Variants in NAT10 observed in about 807,000 individuals in gnomAD.
The protein encoded by NAT10 is RNA cytidine acetyltransferase.
A neutral mutation model predicts 132.2 loss-of-function variants in NAT10; 109 were observed. The ratio of observed to expected loss-of-function variants is 0.82; its 90% CI spans 0.71 to 0.97. The LOEUF (loss-of-function observed/expected upper bound fraction) is 0.97, where lower values mean the gene tolerates loss of function less well. Ranked by LOEUF, NAT10 falls within the 50% of genes least tolerant of loss-of-function variation. NAT10 has a pLI of 0.00. For synonymous variants in NAT10, 479 were observed against 478.0 expected (o/e 1.00, Z -0.03); for missense variants, 1,184 against 1,263.4 (o/e 0.94, Z 0.95).
In NAT10 at chr11:34,131,595, A is replaced by G. The variant is rs1852106381; in HGVS notation, c.1520+64A>G. ...GAGGGGCGGTGAAAGAATTCAAAGG[A>G]CTTGAGTCCTTTGTTTCATAGGATG... On this transcript the variant is annotated intron_variant, in intron 14 of 28. Transcript: ENST00000257829. The G allele has an allele frequency of 2.7e-6, 4 of 1,501,872 alleles. No homozygotes were observed. In the African/African-American group the frequency reaches 5.6e-5, roughly 21 times the overall value. 93.0% of individuals were successfully genotyped at this position (1,501,872 alleles called of 1,614,324 possible). A position where few individuals can be genotyped will look rare whatever the true frequency, so the allele number is the denominator to read the frequency against.
intron 3 of NAT10, among the ~76,000 whole-genome samples, chr11:34,109,755 A>G (rs1197567518): frequency 2.0e-5 from 3 of 152,212 alleles, no homozygotes; most frequent in Non-Finnish European, 2.9e-5. Context: ...CTCACGGGTG[A>G]TCTAGAGTCA....
chr11:34,146,184 A>G lies in NAT10; in HGVS notation c.3070A>G (p.Lys1024Glu). The change falls in exon 29 of 29, where the codon AAG becomes GAG. Residue 1024 changes from lysine (K) to glutamate (E), a missense_variant. Transcript: ENST00000257829. ...KNKKDMKLKR[K>E]K ...CAAAAAAGATATGAAACTGAAGCGG[A>G]AGAAATAGTGAAGAGAAACTCGGGC... 9.4e-6 allele frequency: 15 copies of G among 1,598,036 alleles called. No individual in the cohort carries two copies. Among genetic ancestry groups the G allele is most frequent in the Non-Finnish European group, 1.3e-5 (15 of 1,171,442 alleles).
chr11:34,109,770 A>T (rs1010206695), intron 3 of NAT10, among the ~76,000 whole-genome samples: 3 of 152,232 alleles, frequency 2.0e-5, no homozygotes, highest in African/African-American at 7.2e-5. Flanking sequence ...GAGTCACAGT[A>T]CTAATGCTCC....
At chr11:34,141,045 G>T (rs761294871) in intron 24 of NAT10, 44 bp from the exon 25 acceptor site, 6 of 1,612,860 alleles carry the variant, frequency 3.7e-6, no homozygotes, top group Non-Finnish European at 5.1e-6. Flanking sequence ...TAATGGGCAA[G>T]GGCGTGTCCT....
rs1852283367 is a variant in NAT10, at chr11:34,139,509, G to A, written c.2419+14G>A. 1 of 1,607,190 alleles carries A rather than the reference G, an allele frequency of 6.2e-7. No homozygotes were observed. Among genetic ancestry groups the A allele is most frequent in the South Asian group, 1.1e-5 (1 of 90,936 alleles). On this transcript the variant is annotated intron_variant, in intron 23 of 28. Transcript: ENST00000257829. ...CAGCCCAGCCTGGTGAGCCGGGTGG[G>A]GACAGGGAGGAGGGTTGGGAATGGC... is the stretch of plus-strand genomic sequence containing the variant.
At chr11:34,123,314 A>G (rs1305228124) in intron 9 of NAT10, among the ~76,000 whole-genome samples, 2 of 152,218 alleles carry the variant, frequency 1.3e-5, no homozygotes, top group Admixed American at 6.5e-5. Context: ...CTCTAGCTGT[A>G]ACAGTCAGCC....
rs1245812338 is a variant in NAT10, at chr11:34,112,171, A to G, written c.320A>G (p.Tyr107Cys). Residue 107 changes from tyrosine to cysteine, a missense_variant, in exon 4 of 29, where the codon TAC becomes TGC. Tyr to Cys is a radical substitution (Grantham distance 194, BLOSUM62 -2). Coordinates refer to ENST00000257829, the MANE Select transcript of NAT10 (RefSeq NM_024662.3). ...IAATNIRYCY[Y>C]NETHKILGNT... ...GCCACAAACATTCGCTACTGCTACT[A>G]CAACGAGACCCACAAGATCCTGGGC... The G allele has an allele frequency of 1.2e-6, 2 of 1,614,124 alleles. No individual in the cohort carries two copies. The highest frequency in any genetic ancestry group is 1.7e-6 in the Non-Finnish European group (2 of 1,180,052).
intron 10 of NAT10, 60 bp from the exon 11 acceptor site, chr11:34,124,242 A>G (rs1259727141): frequency 9.1e-7 from 1 of 1,104,948 alleles, no homozygotes; most frequent in African/African-American, 1.6e-5. Context: ...GCTTACTTTC[A>G]TAATATTTAG....
Position 34,118,274 on chromosome 11 carries a change from G to A in NAT10, c.652G>A (p.Ala218Thr), listed in dbSNP as rs1012270918. ...PISSHVATMEALPPQTPDESL... is the reference protein window; with the variant it reads ...PISSHVATMETLPPQTPDESL... ...CTCCTCCCACGTTGCCACCATGGAG[G>A]CCCTGCCTCCCCAGACTCCGGTGAG... Residue 218 changes from alanine to threonine, a missense_variant, in exon 7 of 29, where the codon GCC (alanine) becomes ACC (threonine). Ala to Thr is a moderately conservative substitution (Grantham distance 58, BLOSUM62 0). Transcript: ENST00000257829. 31 of 1,614,024 alleles carry A rather than the reference G, an allele frequency of 1.9e-5. No homozygotes were observed. Among genetic ancestry groups the A allele is most frequent in the Non-Finnish European group, 2.5e-5 (29 of 1,180,016 alleles).
At chr11:34,129,161 A>G (rs1386778255) in intron 12 of NAT10, among the ~76,000 whole-genome samples, 1 of 152,232 alleles carries the variant, frequency 6.6e-6, no homozygotes, top group East Asian at 1.9e-4. Flanking sequence ...GGATACACCT[A>G]GGAGTGAAAC....
intron 3 of NAT10, among the ~76,000 whole-genome samples, chr11:34,109,850 G>T (rs1851661931): frequency 6.6e-6 from 1 of 152,144 alleles, no homozygotes; most frequent in Non-Finnish European, 1.5e-5. Flanking sequence ...CCAGCTTTCT[G>T]TTTTCTGTTG....
At chr11:34,118,634 A>G (rs1851828813) in intron 8 of NAT10, 131 bp downstream of exon 8, 1 of 651,996 alleles carries the variant, frequency 1.5e-6, no homozygotes, top group Non-Finnish European at 2.6e-6. Context: ...CCTTGCTCAT[A>G]CTCGTGTGTG....
chr11:34,114,327 G>A (rs1226851498), intron 5 of NAT10, among the ~76,000 whole-genome samples: 1 of 152,198 alleles, frequency 6.6e-6, no homozygotes, highest in Non-Finnish European at 1.5e-5. Context: ...AGGACATGGT[G>A]AGGAATTAGG....
In NAT10 at chr11:34,141,213, C is replaced by A. The variant is rs1171993255; in HGVS notation, c.2712+5C>A. On this transcript the variant is annotated splice_donor_5th_base_variant and intron_variant, in intron 25 of 28. Coordinates refer to ENST00000257829, the MANE Select transcript of NAT10 (RefSeq NM_024662.3). ...ATCATCCGCAAAGTTGTGAAGGTAA[C>A]CTCAGCCTGAGGGCAGGGGCTTGAT... 7 of 1,613,790 alleles carry A rather than the reference C, an allele frequency of 4.3e-6. No homozygotes were observed. The African/African-American group carries it at 9.4e-5, about 22-fold the overall frequency.
At chr11:34,111,940 C>T (rs1270262239) in intron 3 of NAT10, 112 bp from the exon 4 acceptor site, 4 of 1,292,208 alleles carry the variant, frequency 3.1e-6, no homozygotes, top group African/African-American at 1.5e-5. Flanking sequence ...TTTCAAGTTC[C>T]CTACTAGCTC....
intron 10 of NAT10, 133 bp from the exon 11 acceptor site, chr11:34,124,169 A>T (rs1851944391): frequency 1.5e-6 from 1 of 668,150 alleles, no homozygotes; most frequent in African/African-American, 1.8e-5. Flanking sequence ...TCTCAAAAAA[A>T]AAAAGGATTT....
At chr11:34,112,306 G>T in intron 4 of NAT10, 83 bp downstream of exon 4, 2 of 1,510,114 alleles carry the variant, frequency 1.3e-6, no homozygotes, top group Non-Finnish European at 1.8e-6. Context: ...GGGAACAGAT[G>T]TACAGTAAGG....
At chr11:34,138,223 C>G (rs890664721) in intron 21 of NAT10, among the ~76,000 whole-genome samples, 11 of 152,032 alleles carry the variant, frequency 7.2e-5, no homozygotes, top group African/African-American at 2.7e-4. Context: ...GAGGTGACCA[C>G]CTACTTCATC....
chr11:34,136,944 C>T (rs777222485), intron 20 of NAT10, 34 bp from the exon 21 acceptor site: 2 of 1,613,996 alleles, frequency 1.2e-6, no homozygotes, highest in Admixed American at 1.7e-5. Context: ...CCAGAGGCCA[C>T]ACACAGTGAC....
Sources: gnomAD v4.1 joint callset for allele counts (sites outside exome capture counted in the v4.1 genomes callset) on GRCh38, gnomAD v4.1.1 for gene constraint, MANE v1.5 for transcripts, NCBI Gene and HGNC (gene_info 2026-07-23, HGNC 2026-07-21) for gene names.